Variants in TBC1D9 observed in about 807,000 individuals in gnomAD.
TBC1D9 encodes the protein TBC1 domain family member 9.
Under a neutral mutation model 132.0 loss-of-function variants are expected in TBC1D9, and 63 were observed. The observed-to-expected ratio is 0.48, with a 90% CI of 0.39 to 0.59. The LOEUF (loss-of-function observed/expected upper bound fraction) is 0.59, where lower values mean the gene tolerates loss of function less well. Among genes scored for constraint, TBC1D9 ranks in the 20% least tolerant of loss-of-function variants. The pLI, the probability that TBC1D9 is intolerant of heterozygous loss-of-function variation, is 0.00. For synonymous variants in TBC1D9, 610 were observed against 609.9 expected (o/e 1.00, Z 0.00); for missense variants, 1,261 against 1,592.7 (o/e 0.79, Z 3.54).
chr4:140,755,904 C>T lies in TBC1D9; in HGVS notation c.130+12G>A. 2 of 1,542,236 alleles carry T rather than the reference C, an allele frequency of 1.3e-6. No homozygotes were observed. The highest frequency in any genetic ancestry group is 1.7e-6 in the Non-Finnish European group (2 of 1,147,310). Reference sequence around the variant, plus strand: ...CGGCTCCCCTCCTGCAGGGATCGGCCACGGTCCTTACCCGCCAGTCCGCCG... The same window carrying T: ...CGGCTCCCCTCCTGCAGGGATCGGCTACGGTCCTTACCCGCCAGTCCGCCG... On this transcript the variant is annotated intron_variant, in intron 1 of 20. Transcript: ENST00000442267.
rs1212488837 is a variant in TBC1D9 at position 140,668,958 on chromosome 4, A to G, written c.1547T>C (p.Ile516Thr). 6.2e-7 allele frequency: 1 copy of G among 1,613,972 alleles called. No homozygotes were observed. The highest frequency in any genetic ancestry group is 1.1e-5 in the South Asian group (1 of 91,054). Residue 516 changes from isoleucine (I) to threonine (T), a missense_variant, in exon 9 of 21, where the codon ATC (isoleucine) becomes ACC (threonine). Ile to Thr is a moderately conservative substitution (Grantham distance 89). Around this residue, in one of 3 missense-constraint regions of TBC1D9, gnomAD observed 550 missense variants for 699.0 expected, o/e 0.79. Transcript: ENST00000442267. ...GAGCTCCCCACGCATGCTCTCCGGG[A>G]TGCCCTTCAACACCAGCTCCCGCGT... ...EKTRELVLKG[I>T]PESMRGELWL...
At chr4:140,633,291 C>G (rs1736827503) in intron 16 of TBC1D9, among the ~76,000 whole-genome samples, 1 of 152,216 alleles carries the variant, frequency 6.6e-6, no homozygotes, top group South Asian at 2.1e-4. Context: ...GTGGGCCAGG[C>G]TCCACTACCA....
Position 140,657,544 on chromosome 4 carries a change from G to A in TBC1D9, c.2190C>T (p.Ala730=), listed in dbSNP as rs772746663. Residue 730 remains alanine (A), a synonymous_variant, in exon 12 of 21, where the codon GCC becomes GCT. Transcript: ENST00000442267. ...TACAATACCTTCCCAAAACGGTCAT[G>A]GCCTCCCCATCATCCTTGCAGTTCA... ...KLLNCKDDGE[A]MTVLGRYLDS... 1 of 1,613,644 alleles carries A rather than the reference G, an allele frequency of 6.2e-7. No individual in the cohort carries two copies. The highest frequency in any genetic ancestry group is 8.5e-7 in the Non-Finnish European group (1 of 1,179,698).
chr4:140,641,247 A>G (rs892318765), intron 13 of TBC1D9, among the ~76,000 whole-genome samples: 1 of 152,200 alleles, frequency 6.6e-6, no homozygotes, highest in African/African-American at 2.4e-5. Context: ...AAAGGGGCAC[A>G]AGGGGCACTT....
chr4:140,643,730 CG>C, intron 13 of TBC1D9: 3 of 1,216,218 alleles, frequency 2.5e-6, no homozygotes, highest in Admixed American at 2.2e-5. Context: ...CTGTCCGGCC[CG>C]GGGAATCCAC....
chr4:140,642,920 C>A, intron 13 of TBC1D9: 2 of 598,926 alleles, frequency 3.3e-6, no homozygotes, highest in Non-Finnish European at 5.8e-6. Context: ...AGTCCCGGCG[C>A]CGCTGCAGCT....
rs6819228 is a variant in TBC1D9, at chr4:140,653,229, C to G, written c.2337+3868G>C. On this transcript the variant is annotated intron_variant, in intron 13 of 20. Coordinates refer to ENST00000442267, the MANE Select transcript of TBC1D9 (RefSeq NM_015130.3). ...CAATATCAGACTAATTTCTAGCAAC[C>G]TAGGGAGCCCTTAACTAAATTTCAA... Among the ~76,000 whole-genome samples the G allele has an allele frequency of 8.5e-5, 13 of 152,102 alleles. No homozygotes were observed. The East Asian group carries it at 2.5e-3, about 29-fold the overall frequency.
chr4:140,626,194 T>C (rs772444023), intron 18 of TBC1D9, among the ~76,000 whole-genome samples: 1 of 152,228 alleles, frequency 6.6e-6, no homozygotes, highest in Non-Finnish European at 1.5e-5. Context: ...CAATATATAA[T>C]ATTAAGAATA....
At chr4:140,688,548 G>C (rs926544492) in intron 2 of TBC1D9, among the ~76,000 whole-genome samples, 3 of 152,080 alleles carry the variant, frequency 2.0e-5, no homozygotes, top group Admixed American at 1.3e-4. Context: ...CACACCCATA[G>C]TTCCTAGCTA....
At chr4:140,650,936 C>T (rs1384051763) in intron 13 of TBC1D9, among the ~76,000 whole-genome samples, 1 of 152,158 alleles carries the variant, frequency 6.6e-6, no homozygotes, top group Admixed American at 6.5e-5. Flanking sequence ...AGTTTCATAG[C>T]CACATGTAGC....
intron 9 of TBC1D9, among the ~76,000 whole-genome samples, chr4:140,666,345 CT>C (rs1020471117): frequency 6.6e-6 from 1 of 151,832 alleles, no homozygotes; most frequent in East Asian, 1.9e-4. Flanking sequence ...ATTTATTTTC[CT>C]TTTTTTTGAG....
intron 1 of TBC1D9, among the ~76,000 whole-genome samples, chr4:140,709,967 T>C (rs1271069474): frequency 6.6e-6 from 1 of 152,166 alleles, no homozygotes; most frequent in Non-Finnish European, 1.5e-5. Flanking sequence ...GACTGACAGG[T>C]ACTTGTCTGC....
chr4:140,657,347 T>C (rs931363901), intron 12 of TBC1D9, 121 bp from the exon 13 acceptor site: 1 of 1,391,308 alleles, frequency 7.2e-7, no homozygotes, highest in African/African-American at 1.5e-5. Flanking sequence ...TCTTTAAAGA[T>C]GGAAAGAGAG....
At position 140,653,935 on chromosome 4, in the gene TBC1D9, T is replaced by G. The variant is rs1005989845; in HGVS notation, c.2337+3162A>C. On this transcript the variant is annotated intron_variant, in intron 13 of 20. Transcript: ENST00000442267. ...ATGGAAATCAGCTGTTGGCCTTGTC[T>G]CAATTTCTTTGCTTTCGCTTTAAAA... Among the ~76,000 whole-genome samples, 6 of 152,236 alleles carry G rather than the reference T, an allele frequency of 3.9e-5. No homozygotes were observed. In the East Asian group the frequency reaches 1.2e-3, roughly 29 times the overall value.
At chr4:140,721,539 T>C (rs914147481) in intron 1 of TBC1D9, among the ~76,000 whole-genome samples, 6 of 151,986 alleles carry the variant, frequency 3.9e-5, no homozygotes, top group African/African-American at 4.8e-5. Flanking sequence ...TTCAAGGGAG[T>C]TGAGGATGCT....
At chr4:140,691,592 G>A (rs1241408306) in intron 2 of TBC1D9, among the ~76,000 whole-genome samples, 1 of 152,190 alleles carries the variant, frequency 6.6e-6, no homozygotes, top group Non-Finnish European at 1.5e-5. Context: ...ACCCGATTGT[G>A]TAATCAGCTG....
chr4:140,731,301 T>G (rs1041329831), intron 1 of TBC1D9, among the ~76,000 whole-genome samples: 4 of 152,168 alleles, frequency 2.6e-5, no homozygotes, highest in African/African-American at 9.7e-5. Context: ...AGGCTCTCAG[T>G]AAACACTCAA....
intron 3 of TBC1D9, among the ~76,000 whole-genome samples, chr4:140,685,420 A>G (rs1737764098): frequency 6.6e-6 from 1 of 152,216 alleles, no homozygotes; most frequent in Non-Finnish European, 1.5e-5. Context: ...GAATCGATTC[A>G]TAATATCTGA....
At chr4:140,744,379 T>C (rs1365229855) in intron 1 of TBC1D9, among the ~76,000 whole-genome samples, 1 of 152,180 alleles carries the variant, frequency 6.6e-6, no homozygotes, top group Non-Finnish European at 1.5e-5. Context: ...CAGGCCATGA[T>C]GGGAAGGTGG....
Sources: gnomAD v4.1 joint callset for allele counts (sites outside exome capture counted in the v4.1 genomes callset) on GRCh38, gnomAD v4.1.1 for gene constraint, gnomAD v4.1.1 regional missense constraint, MANE v1.5 for transcripts, NCBI Gene and HGNC (gene_info 2026-07-23, HGNC 2026-07-21) for gene names.